Variants in MAN2C1 observed in about 807,000 individuals in gnomAD.
MAN2C1 encodes alpha-mannosidase 2C1.
A neutral mutation model predicts 126.9 loss-of-function variants in MAN2C1; 111 were observed. The ratio of observed to expected loss-of-function variants is 0.87; its 90% CI spans 0.75 to 1.02. The LOEUF is 1.02. Among genes scored for constraint, MAN2C1 ranks in the 50% least tolerant of loss-of-function variants. The probability of loss-of-function intolerance (pLI) is 0.00; values close to 1 mark genes in which losing one functional copy is unlikely to be tolerated. For missense variants in MAN2C1, 1,363 were observed against 1,364.4 expected (o/e 1.00, Z 0.02); for synonymous variants, 567 against 561.5 (o/e 1.01, Z -0.14).
chr15:75,361,090 C>T lies in MAN2C1; in HGVS notation c.1416G>A (p.Met472Ile), dbSNP rs561636022. The T allele has an allele frequency of 1.3e-5, 21 of 1,612,430 alleles. No homozygotes were observed. Among genetic ancestry groups the T allele is most frequent in the Non-Finnish European group, 1.8e-5 (21 of 1,179,476 alleles). Residue 472 changes from methionine to isoleucine, a missense_variant, in exon 12 of 26, where the codon ATG (methionine) becomes ATA (isoleucine). Transcript: ENST00000267978. This position sits in a 1 kb window ranked among gnomAD's most constrained non-coding sequence, Gnocchi z 5.0. ...TGCTCAGGCGCTTCAGGCGGTCCAG[C>T]ATGGTCTGGGTGGGGCCACCACCCC... ...GDGGGGPTQT[M>I]LDRLKRLSNT...
At chr15:75,357,899 G>A (rs559660770) in intron 21 of MAN2C1, 22 of 335,638 alleles carry the variant, frequency 6.6e-5, no homozygotes, top group African/African-American at 2.5e-4. Flanking sequence ...GATTACAGGC[G>A]TGAGTCACCA....
chr15:75,358,585 T>C lies in MAN2C1; in HGVS notation c.2280A>G (p.Ala760=). Reference sequence around the variant, plus strand: ...CCCGCAGGCCGCCCTCGGTGCCCACTGCCAGGGTCCCTGCCTGGCCCAGCA... The same window carrying C: ...CCCGCAGGCCGCCCTCGGTGCCCACCGCCAGGGTCCCTGCCTGGCCCAGCA... The part of the protein sequence containing the change: ...KPVLGQAGTL[A]VGTEGGLRGS... The change falls in exon 20 of 26, where the codon GCA becomes GCG. Residue 760 remains alanine (A), a synonymous_variant. Coordinates refer to ENST00000267978, the MANE Select transcript of MAN2C1 (RefSeq NM_006715.4). The C allele has an allele frequency of 6.2e-7, 1 of 1,613,344 alleles. No homozygotes were observed. The highest frequency in any genetic ancestry group is 1.7e-5 in the Admixed American group (1 of 60,014).
rs2072304719 is a variant in MAN2C1 at position 75,356,482 on chromosome 15, G to A, written c.2738-33C>T. ...ACGACCAGGAAACAATGCTGGTGGA[G>A]AATGGGGGCTACCCTCCCCTGTCCC... is the stretch of plus-strand genomic sequence containing the variant. On this transcript the variant is annotated intron_variant, in intron 23 of 25. Coordinates refer to ENST00000267978, the MANE Select transcript of MAN2C1 (RefSeq NM_006715.4). The surrounding 1 kb of genome is among the most constrained non-coding windows in gnomAD (Gnocchi z 5.8). 2 of 1,576,660 alleles carry A rather than the reference G, an allele frequency of 1.3e-6. No individual in the cohort carries two copies. Among genetic ancestry groups the A allele is most frequent in the Non-Finnish European group, 1.7e-6 (2 of 1,163,114 alleles).
Position 75,360,429 on chromosome 15 carries a change from C to T in MAN2C1, c.1584+136G>A, listed in dbSNP as rs147038708. On this transcript the variant is annotated intron_variant, in intron 13 of 25. Transcript: ENST00000267978. ...GCCTCCTTCAAGCTTTCTTGACCAA[C>T]CCAGGTCTTGAACTTCTCTCCTCCA... 8.6e-6 allele frequency: 12 copies of T among 1,392,850 alleles called. No homozygotes were observed. In the East Asian group the frequency reaches 2.7e-4, roughly 32 times the overall value. The allele number at this position is 1,392,850 out of a possible 1,614,324, so 86.3% of individuals were successfully genotyped here.
Position 75,361,036 on chromosome 15 carries a change from C to A in MAN2C1, c.1460+10G>T, listed in dbSNP as rs1241577222. The A allele has an allele frequency of 6.2e-7, 1 of 1,604,140 alleles. No individual in the cohort carries two copies. Among genetic ancestry groups the A allele is most frequent in the Admixed American group, 1.7e-5 (1 of 58,460 alleles). Reference sequence around the variant, plus strand: ...GGTGGGGCTAAAGGAGAGCCAAGGCCTGGCCTGACCTGGGCAGCCCATCCG... The same window carrying A: ...GGTGGGGCTAAAGGAGAGCCAAGGCATGGCCTGACCTGGGCAGCCCATCCG... On this transcript the variant is annotated intron_variant, in intron 12 of 25. Transcript: ENST00000267978. The surrounding 1 kb of genome is among the most constrained non-coding windows in gnomAD (Gnocchi z 5.0).
intron 15 of MAN2C1, 35 bp downstream of exon 15, chr15:75,359,868 T>A (rs751015433): frequency 1.9e-6 from 3 of 1,611,464 alleles, no homozygotes; most frequent in East Asian, 2.2e-5. Flanking sequence ...AGCCCTGGGG[T>A]TGGAGAGAGC....
In MAN2C1 at chr15:75,362,472, G is replaced by C. The variant is rs368506573; in HGVS notation, c.898-19C>G. On this transcript the variant is annotated intron_variant, in intron 7 of 25. Transcript: ENST00000267978. This position sits in a 1 kb window ranked among gnomAD's most constrained non-coding sequence, Gnocchi z 4.5. ...GCTGCGCCTGTGGGCAGGTTGAAGG[G>C]AGCTGGGACCAGAGTGACAAGGGCC... is the stretch of plus-strand genomic sequence containing the variant. 11 of 1,590,040 alleles carry C rather than the reference G, an allele frequency of 6.9e-6. No individual in the cohort carries two copies. In the African/African-American group the frequency reaches 1.2e-4, roughly 17 times the overall value.
intron 4 of MAN2C1, among the ~76,000 whole-genome samples, chr15:75,365,402 G>A (rs1330721328): frequency 6.6e-6 from 1 of 152,130 alleles, no homozygotes; most frequent in African/African-American, 2.4e-5. Context: ...AATGTAAGAA[G>A]TCAGGATACA....
chr15:75,356,287 G>A lies in MAN2C1; in HGVS notation c.2886+14C>T, dbSNP rs372102488. 3.5e-4 allele frequency: 557 copies of A among 1,609,582 alleles called. 2 individuals are homozygous for A. The East Asian group carries it at 4.3e-3, about 13-fold the overall frequency. ...CAGTTCGGAACCCCGTCCCCAGCAC[G>A]TCCCACCCCTTGCCTGCTTGACGGT... is the stretch of plus-strand genomic sequence containing the variant. On this transcript the variant is annotated intron_variant, in intron 24 of 25. Coordinates refer to ENST00000267978, the MANE Select transcript of MAN2C1 (RefSeq NM_006715.4). The surrounding 1 kb of genome is among the most constrained non-coding windows in gnomAD (Gnocchi z 5.8).
rs1407889416 is a variant in MAN2C1, at chr15:75,358,363, G to T, written c.2404-19C>A. 1 of 1,614,020 alleles carries T rather than the reference G, an allele frequency of 6.2e-7. No individual in the cohort carries two copies. Among genetic ancestry groups the T allele is most frequent in the African/African-American group, 1.3e-5 (1 of 75,040 alleles). On this transcript the variant is annotated intron_variant, in intron 20 of 25. Coordinates refer to ENST00000267978, the MANE Select transcript of MAN2C1 (RefSeq NM_006715.4). ...AGTGTACCTGGGAGTGGGAAGGAGG[G>T]TGGGAGTCAGGGAAGGAAGAGACAC...
intron 16 of MAN2C1, 90 bp downstream of exon 16, chr15:75,359,530 G>A: frequency 1.3e-6 from 2 of 1,573,076 alleles, no homozygotes; most frequent in Non-Finnish European, 1.7e-6. Flanking sequence ...TCCAGTCAGG[G>A]GCACCCAGAT....
rs758626740 is a variant in MAN2C1 at position 75,361,936 on chromosome 15, C to A, written c.1020G>T (p.Leu340=). The A allele has an allele frequency of 1.9e-6, 3 of 1,613,898 alleles. No homozygotes were observed. The highest frequency in any genetic ancestry group is 2.2e-5 in the South Asian group (2 of 91,086). ...GCCTCACCATGGCCTCTCCACTGGG[C>A]AGGTTCCCATCCTGGCAGTGAAGGA... is the stretch of plus-strand genomic sequence containing the variant. ...GGTWVEMDGN[L]PSGEAMVRQF... The change falls in exon 9 of 26, where the codon CTG becomes CTT. Residue 340 remains leucine, a synonymous_variant. Coordinates refer to ENST00000267978, the MANE Select transcript of MAN2C1 (RefSeq NM_006715.4). The surrounding 1 kb of genome is among the most constrained non-coding windows in gnomAD (Gnocchi z 5.0).
Position 75,361,356 on chromosome 15 carries a change from A to C in MAN2C1, c.1244T>G (p.Leu415Arg). ...FPHHTFFWEG[L>R]DGSRVLVHFP... ...GTGGACCAGTACACGGGAGCCATCC[A>C]GGCCCTCCCAGAAAAATGTATGGTG... Residue 415 changes from leucine (L) to arginine (R), a missense_variant, in exon 11 of 26, where the codon CTG (leucine) becomes CGG (arginine). By Grantham distance (102) the Leu-to-Arg change is moderately radical. Transcript: ENST00000267978. The surrounding 1 kb of genome is among the most constrained non-coding windows in gnomAD (Gnocchi z 5.0). The C allele has an allele frequency of 6.4e-7, 1 of 1,564,588 alleles. No individual in the cohort carries two copies. The highest frequency in any genetic ancestry group is 2.4e-5 in the East Asian group (1 of 42,266).
Position 75,368,113 on chromosome 15 carries a change from C to G in MAN2C1, c.187G>C (p.Asp63His), listed in dbSNP as rs1250536856. Residue 63 changes from aspartate (D) to histidine (H), a missense_variant, in exon 2 of 26, where the codon GAC (aspartate) becomes CAC (histidine). Asp to His is a moderately conservative substitution (Grantham distance 81). Coordinates refer to ENST00000267978, the MANE Select transcript of MAN2C1 (RefSeq NM_006715.4). ...TCGCCGACCTGCGCGGGGCGGAAGTCCCGCTGGACTGCCTCCTGGTAGGGA... is the reference window on the plus strand; with the variant it reads ...TCGCCGACCTGCGCGGGGCGGAAGTGCCGCTGGACTGCCTCCTGGTAGGGA... ...RLPYQEAVQR[D>H]FRPAQVGDSF... The G allele has an allele frequency of 3.1e-6, 5 of 1,607,392 alleles. No individual in the cohort carries two copies. The highest frequency in any genetic ancestry group is 4.2e-6 in the Non-Finnish European group (5 of 1,177,850).
In MAN2C1 at chr15:75,362,502, C is replaced by A; in HGVS notation, c.898-49G>T. 1 of 1,552,396 alleles carries A rather than the reference C, an allele frequency of 6.4e-7. No homozygotes were observed. Among genetic ancestry groups the A allele is most frequent in the Non-Finnish European group, 8.8e-7 (1 of 1,139,254 alleles). ...GGGACCAGAGTGACAAGGGCCCCACCCAGGACTGAGCATATGGGACTCAGT... is the reference window on the plus strand; with the variant it reads ...GGGACCAGAGTGACAAGGGCCCCACACAGGACTGAGCATATGGGACTCAGT... On this transcript the variant is annotated intron_variant, in intron 7 of 25. Coordinates refer to ENST00000267978, the MANE Select transcript of MAN2C1 (RefSeq NM_006715.4). This position sits in a 1 kb window ranked among gnomAD's most constrained non-coding sequence, Gnocchi z 4.5.
At chr15:75,368,236 G>C (rs759166087) in intron 1 of MAN2C1, 38 bp from the exon 2 acceptor site, 48 of 1,566,164 alleles carry the variant, frequency 3.1e-5, no homozygotes, top group Middle Eastern at 4.6e-4. Flanking sequence ...GCTGGAGGCC[G>C]CCCCGTTTCC....
In MAN2C1 at chr15:75,356,730, G is replaced by A. The variant is rs368848460; in HGVS notation, c.2658-45C>T. 29 of 1,612,314 alleles carry A rather than the reference G, an allele frequency of 1.8e-5. No homozygotes were observed. In the African/African-American group the frequency reaches 2.9e-4, roughly 16 times the overall value. On this transcript the variant is annotated intron_variant, in intron 22 of 25. Transcript: ENST00000267978. The surrounding 1 kb of genome is among the most constrained non-coding windows in gnomAD (Gnocchi z 5.8). ...TAGGGGCCACGCTGAAGCTGTTGGA[G>A]TTGTGGTCGGGAAGACCCATTTCTC...
At chr15:75,360,369 C>G (rs2072442007) in intron 13 of MAN2C1, 158 bp from the exon 14 acceptor site, 1 of 1,308,386 alleles carries the variant, frequency 7.6e-7, no homozygotes, top group African/African-American at 1.5e-5. Flanking sequence ...CCTCTTCTCC[C>G]CGCAGCCCAA....
chr15:75,355,879 T>C lies in MAN2C1; in HGVS notation c.*27A>G. 1 of 1,613,172 alleles carries C rather than the reference T, an allele frequency of 6.2e-7. No individual in the cohort carries two copies. Among genetic ancestry groups the C allele is most frequent in the Non-Finnish European group, 8.5e-7 (1 of 1,179,670 alleles). ...GAAATTAGGAGTCCCCAGAGCCTTC[T>C]ACAAACAAAACCCCAGCCCCAGGGA... is the stretch of plus-strand genomic sequence containing the variant. On this transcript the variant is annotated 3_prime_UTR_variant, in exon 26 of 26. Transcript: ENST00000267978.
Sources: gnomAD v4.1 joint callset for allele counts (sites outside exome capture counted in the v4.1 genomes callset) on GRCh38, gnomAD v4.1.1 for gene constraint, Gnocchi (gnomAD v3.1) non-coding constraint, MANE v1.5 for transcripts, NCBI Gene and HGNC (gene_info 2026-07-23, HGNC 2026-07-21) for gene names.